Variants in PCDH15 observed in about 807,000 individuals in gnomAD.
PCDH15 encodes the protein protocadherin related 15, also known as protocadherin-15.
A neutral mutation model predicts 178.5 loss-of-function variants in PCDH15; 129 were observed. That is an observed-to-expected ratio of 0.72 (90% CI 0.63 to 0.84). The LOEUF (loss-of-function observed/expected upper bound fraction) is 0.84. Among genes scored for constraint, PCDH15 ranks in the 40% least tolerant of loss-of-function variants. PCDH15 has a pLI of 0.00. For synonymous variants in PCDH15, 800 were observed against 732.0 expected, an observed-to-expected ratio of 1.09 and a Z score of -1.50; for missense variants, 2,230 against 2,099.9, an observed-to-expected ratio of 1.06 and a Z score of -1.21.
At chr10:54,789,862 G>A (rs1362458009) in intron 1 of PCDH15, among the ~76,000 whole-genome samples, 1 of 151,884 alleles carries the variant, frequency 6.6e-6, no homozygotes, top group African/African-American at 2.4e-5. Context: ...ATGTTTGAAA[G>A]TAAATGGAAG....
chr10:54,535,390 G>T (rs572586930), intron 2 of PCDH15, among the ~76,000 whole-genome samples: 1 of 152,102 alleles, frequency 6.6e-6, no homozygotes, highest in South Asian at 2.1e-4. Flanking sequence ...ATGGCATTTG[G>T]TCAGAGACCA....
intron 9 of PCDH15, among the ~76,000 whole-genome samples, chr10:54,219,498 CAGG>C (rs779635714): frequency 5.5e-5 from 8 of 144,298 alleles, no homozygotes; most frequent in Non-Finnish European, 1.2e-4. Context: ...GAGGCTGAGG[CAGG>C]AGAATGGTGC....
chr10:54,210,293 C>T (rs745771889), intron 10 of PCDH15, among the ~76,000 whole-genome samples: 2 of 151,718 alleles, frequency 1.3e-5, no homozygotes, highest in South Asian at 2.1e-4. Flanking sequence ...AGAGTGAAGA[C>T]GTAGGTACAC....
chr10:54,995,404 A>AAAAG, intron 2 of PCDH15, among the ~76,000 whole-genome samples: 1 of 151,842 alleles, frequency 6.6e-6, no homozygotes, highest in East Asian at 1.9e-4. Flanking sequence ...AAAAAAAAAA[A>AAAAG]AAGAAGGAAA....
chr10:54,607,693 TA>T (rs2092803153), intron 2 of PCDH15, among the ~76,000 whole-genome samples: 1 of 151,970 alleles, frequency 6.6e-6, no homozygotes, highest in African/African-American at 2.4e-5. Flanking sequence ...ATGGAGATTT[TA>T]AAATTTATAT....
At chr10:55,518,040 G>A (rs1170565673) in intron 2 of PCDH15, among the ~76,000 whole-genome samples, 1 of 152,068 alleles carries the variant, frequency 6.6e-6, no homozygotes, top group East Asian at 1.9e-4. Context: ...TAATATTAAA[G>A]ACAAGTTCCC....
chr10:55,118,621 A>G (rs1414144161), intron 2 of PCDH15, among the ~76,000 whole-genome samples: 1 of 152,226 alleles, frequency 6.6e-6, no homozygotes, highest in Non-Finnish European at 1.5e-5. Context: ...CCACCATTTT[A>G]CAATAGTCCT....
intron 2 of PCDH15, among the ~76,000 whole-genome samples, chr10:55,067,598 A>G (rs1441719145): frequency 6.6e-6 from 1 of 150,478 alleles, no homozygotes; most frequent in Non-Finnish European, 1.5e-5. Flanking sequence ...AAATACCCAA[A>G]TACCCAGTAG....
intron 3 of PCDH15, among the ~76,000 whole-genome samples, chr10:54,394,534 A>G (rs1316197794): frequency 6.6e-6 from 1 of 152,196 alleles, no homozygotes; most frequent in Admixed American, 6.5e-5. Context: ...CAAGTACTTT[A>G]CAAGGTAATA....
intron 2 of PCDH15, among the ~76,000 whole-genome samples, chr10:55,426,919 A>C (rs1398386759): frequency 1.3e-5 from 2 of 151,904 alleles, no homozygotes; most frequent in Non-Finnish European, 2.9e-5. Context: ...AGTCTCCTAC[A>C]CCCACCTGCT....
At chr10:55,552,073 T>TTA (rs1842013058) in intron 2 of PCDH15, among the ~76,000 whole-genome samples, 2 of 151,780 alleles carry the variant, frequency 1.3e-5, no homozygotes, top group South Asian at 4.1e-4. Flanking sequence ...GCAAATTTAT[T>TTA]TATTGCTTTC....
intron 2 of PCDH15, among the ~76,000 whole-genome samples, chr10:54,537,329 G>A (rs2084688741): frequency 6.6e-6 from 1 of 152,062 alleles, no homozygotes; most frequent in Non-Finnish European, 1.5e-5. Context: ...TATATAACCA[G>A]TAATAGGATT....
chr10:55,515,760 C>T lies in PCDH15; in HGVS notation c.-156+111865G>A, dbSNP rs376486576. 1.5e-4 allele frequency among the ~76,000 whole-genome samples: 23 copies of T among 152,148 alleles called. No homozygotes were observed. The South Asian group carries it at 2.9e-3, about 19-fold the overall frequency. Reference sequence around the variant, plus strand: ...ATCATGCAAATCAAGAAATTGGACACGTGCATATCCTTATTCTAATGTGGC... The same window carrying T: ...ATCATGCAAATCAAGAAATTGGACATGTGCATATCCTTATTCTAATGTGGC... On this transcript the variant is annotated intron_variant, in intron 2 of 5. Transcript: ENST00000613346.
chr10:55,559,379 T>A (rs1842149748), intron 2 of PCDH15, among the ~76,000 whole-genome samples: 1 of 152,050 alleles, frequency 6.6e-6, no homozygotes. Context: ...TAGAGTTTTA[T>A]TTTTAAAGAA....
intron 13 of PCDH15, among the ~76,000 whole-genome samples, chr10:54,165,480 T>G (rs1041444946): frequency 3.3e-5 from 5 of 152,158 alleles, no homozygotes; most frequent in Admixed American, 6.5e-5. Context: ...GCCTGACTAT[T>G]TAAAGGGCTT....
At chr10:54,291,635 G>A (rs1448357559) in intron 8 of PCDH15, among the ~76,000 whole-genome samples, 4 of 152,022 alleles carry the variant, frequency 2.6e-5, no homozygotes, top group Non-Finnish European at 4.4e-5. Flanking sequence ...ATGACAAAGT[G>A]GATATCACCA....
chr10:54,865,519 TTAAGTATTCTTAA>T (rs1289434970), intron 3 of PCDH15, among the ~76,000 whole-genome samples: 12 of 151,988 alleles, frequency 7.9e-5, no homozygotes, highest in African/African-American at 2.7e-4. Flanking sequence ...ATCATATGAG[TTAAGTATTCTTAA>T]TAAACTCCCT....
intron 31 of PCDH15, among the ~76,000 whole-genome samples, chr10:53,828,284 T>G (rs1018126688): frequency 1.3e-5 from 2 of 151,350 alleles, no homozygotes; most frequent in African/African-American, 4.9e-5. Flanking sequence ...GCTACACTGC[T>G]GTTTTTGGAT....
chr10:55,100,726 T>C (rs1842557615), intron 2 of PCDH15, among the ~76,000 whole-genome samples: 1 of 152,074 alleles, frequency 6.6e-6, no homozygotes, highest in Non-Finnish European at 1.5e-5. Flanking sequence ...AAGGCATAAA[T>C]CTATTCATGA....
Sources: allele counts gnomAD v4.1 joint callset (sites outside exome capture counted in the v4.1 genomes callset), GRCh38; gene constraint gnomAD v4.1.1; transcripts MANE v1.5; gene names NCBI Gene and HGNC (gene_info 2026-07-23, HGNC 2026-07-21).